ESR1: variants seen among roughly 807,000 people sequenced by gnomAD.
ESR1 encodes estrogen receptor 1.
A neutral mutation model predicts 52.7 loss-of-function variants in ESR1; 12 were observed. The observed-to-expected ratio is 0.23, with a 90% confidence interval of 0.15 to 0.37. The LOEUF (loss-of-function observed/expected upper bound fraction) is 0.37. ESR1 is among the 10% of genes least tolerant of loss of function. ESR1 has a pLI of 1.00. For synonymous variants in ESR1, 305 were observed against 316.8 expected (o/e 0.96, Z 0.39); for missense variants, 584 against 779.7 (o/e 0.75, Z 2.99).
intron 2 of ESR1, among the ~76,000 whole-genome samples, chr6:151,710,086 A>G (rs995475384): frequency 5.3e-5 from 8 of 152,164 alleles, no homozygotes; most frequent in African/African-American, 1.7e-4. Context: ...CTTTTCTCCA[A>G]TAAATTAAAT....
chr6:151,661,470 C>T (rs1263137380), intron 1 of ESR1, among the ~76,000 whole-genome samples: 1 of 152,236 alleles, frequency 6.6e-6, no homozygotes, highest in East Asian at 1.9e-4. Context: ...GCACAGGTTC[C>T]ACAAGCCCTC....
exon 7 of ESR1, chr6:152,128,631 C>CA (rs1282502926): frequency 6.6e-6 from 1 of 152,224 alleles, no homozygotes; most frequent in Non-Finnish European, 1.5e-5. Flanking sequence ...TCTTCCAACT[C>CA]AGTCTCTTTC....
chr6:151,731,359 AG>A (rs1782225053), intron 2 of ESR1, among the ~76,000 whole-genome samples: 1 of 151,236 alleles, frequency 6.6e-6, no homozygotes, highest in Non-Finnish European at 1.5e-5. Context: ...CCATCTCTCA[AG>A]AAAAAAAAAA....
chr6:151,657,319 C>T lies in ESR1; in HGVS notation n.73+556C>T, dbSNP rs189362789. On this transcript the variant is annotated intron_variant and non_coding_transcript_variant, in intron 1 of 2. Coordinates refer to the ESR1 transcript ENST00000473497. Reference sequence around the variant, plus strand: ...TTAAACTAGATAACTTTTATGGGTACTAACCATTAAAATTAAAATTTTAGT... The same window carrying T: ...TTAAACTAGATAACTTTTATGGGTATTAACCATTAAAATTAAAATTTTAGT... Among the ~76,000 whole-genome samples, 218 of 152,196 alleles carry T rather than the reference C, an allele frequency of 1.4e-3. 1 individual carries two copies. The highest frequency in any genetic ancestry group is 5.0e-3 in the African/African-American group (208 of 41,540).
At chr6:152,052,251 G>A (rs1362551380) in intron 5 of ESR1, among the ~76,000 whole-genome samples, 1 of 152,066 alleles carries the variant, frequency 6.6e-6, no homozygotes, top group African/African-American at 2.4e-5. Flanking sequence ...AGTTGTGAGG[G>A]ATCCACCCCG....
rs147106044 is a variant in ESR1 at position 151,662,402 on chromosome 6, G to A, written n.73+5639G>A. ...TTTCCTCTTTATACCAACCAATGGG[G>A]CAGGTACCATTATTAAAGGGGGAGG... On this transcript the variant is annotated intron_variant and non_coding_transcript_variant, in intron 1 of 2. Coordinates refer to the ESR1 transcript ENST00000473497. 1.5e-3 allele frequency among the ~76,000 whole-genome samples: 231 copies of A among 152,210 alleles called. 1 individual carries two copies. The highest frequency in any genetic ancestry group is 5.2e-3 in the African/African-American group (218 of 41,532).
chr6:151,777,601 T>G (rs1458411960), intron 2 of ESR1, among the ~76,000 whole-genome samples: 1 of 152,026 alleles, frequency 6.6e-6, no homozygotes, highest in Non-Finnish European at 1.5e-5. Flanking sequence ...GGACTGGAAA[T>G]CACAATAGAG....
At chr6:151,698,165 A>C (rs1320789696) in intron 1 of ESR1, among the ~76,000 whole-genome samples, 1 of 151,824 alleles carries the variant, frequency 6.6e-6, no homozygotes, top group Non-Finnish European at 1.5e-5. Flanking sequence ...CAGGAGTTTG[A>C]GAGCAGTCTG....
chr6:152,002,159 C>T (rs1221864485), intron 4 of ESR1, among the ~76,000 whole-genome samples: 1 of 150,044 alleles, frequency 6.7e-6, no homozygotes, highest in East Asian at 2.0e-4. Flanking sequence ...TTGGCAACAA[C>T]AGGTGTTCCT....
intron 1 of ESR1, 73 bp downstream of exon 1, chr6:151,808,437 G>A: frequency 1.7e-6 from 2 of 1,188,120 alleles, no homozygotes; most frequent in East Asian, 3.5e-5. Context: ...GGAGGGAGAA[G>A]GGAGAGCCTA....
Position 151,944,282 on chromosome 6 carries a change from C to T in ESR1, c.870C>T (p.Asn290=), listed in dbSNP as rs1446673857. Residue 290 remains asparagine (N), a synonymous_variant, in exon 4 of 8, where the codon AAC becomes AAT. Coordinates refer to ENST00000206249, the MANE Select transcript of ESR1 (RefSeq NM_000125.4). ...CTGCTGGAGACATGAGAGCTGCCAACCTTTGGCCAAGCCCGCTCATGATCA... is the reference window on the plus strand; with the variant it reads ...CTGCTGGAGACATGAGAGCTGCCAATCTTTGGCCAAGCCCGCTCATGATCA... ...VGSAGDMRAA[N]LWPSPLMIKR... is the part of the protein sequence containing the mutation. The T allele has an allele frequency of 1.9e-6, 3 of 1,614,048 alleles. No individual in the cohort carries two copies. Among genetic ancestry groups the T allele is most frequent in the African/African-American group, 1.3e-5 (1 of 74,900 alleles).
chr6:151,830,584 C>G (rs1010734090), intron 1 of ESR1, among the ~76,000 whole-genome samples: 13 of 152,222 alleles, frequency 8.5e-5, no homozygotes, highest in African/African-American at 2.6e-4. Flanking sequence ...CAGACCTCAC[C>G]ATTCATTAGC....
At chr6:151,686,460 C>A (rs1351769446), upstream of ESR1, among the ~76,000 whole-genome samples, 1 of 152,046 alleles carries the variant, frequency 6.6e-6, no homozygotes, top group African/African-American at 2.4e-5. Context: ...CCGAGGCGGC[C>A]GGATCACGAG....
chr6:151,732,534 T>TGTGTG (rs1782328686), intron 2 of ESR1, among the ~76,000 whole-genome samples: 1 of 148,768 alleles, frequency 6.7e-6, no homozygotes, highest in African/African-American at 2.5e-5. Context: ...GTGTGTGTGT[T>TGTGTG]TGTGTGTGTG....
intron 1 of ESR1, among the ~76,000 whole-genome samples, chr6:151,678,695 T>TC (rs1778343562): frequency 1.3e-5 from 2 of 151,496 alleles, no homozygotes; most frequent in African/African-American, 4.8e-5. Flanking sequence ...TGGTTTTTTT[T>TC]TTTTTTTCTG....
intron 4 of ESR1, among the ~76,000 whole-genome samples, chr6:151,996,776 T>C (rs2041524285): frequency 6.6e-6 from 1 of 152,130 alleles, no homozygotes; most frequent in Admixed American, 6.6e-5. Context: ...TTGAATGTAA[T>C]AGGTCTTCAG....
intron 1 of ESR1, among the ~76,000 whole-genome samples, chr6:151,660,370 G>A (rs1425326537): frequency 2.0e-5 from 3 of 152,220 alleles, no homozygotes; most frequent in Non-Finnish European, 2.9e-5. Context: ...GAGAGGGACA[G>A]TTCTATGTTC....
downstream of ESR1, among the ~76,000 whole-genome samples, chr6:152,107,627 TC>T (rs2051082185): frequency 6.6e-6 from 1 of 152,218 alleles, no homozygotes; most frequent in Non-Finnish European, 1.5e-5. Context: ...CCTCTGCTAT[TC>T]CTGATTGTGG....
In ESR1 at chr6:152,101,813, T is replaced by C. The variant is rs1170933439; in HGVS notation, c.*2847T>C. ...ATTGAAAGTATTTGGAGGAAAATGGTTAATTCTGGGTGTGCACCAGGGTTC... is the reference window on the plus strand; with the variant it reads ...ATTGAAAGTATTTGGAGGAAAATGGCTAATTCTGGGTGTGCACCAGGGTTC... On this transcript the variant is annotated 3_prime_UTR_variant, in exon 8 of 8. Transcript: ENST00000206249. 1.3e-5 allele frequency: 3 copies of C among 226,930 alleles called. No individual in the cohort carries two copies. Among genetic ancestry groups the C allele is most frequent in the African/African-American group, 2.2e-5 (1 of 44,986 alleles). The allele number at this position is 226,930 out of a possible 1,614,324, so 14.1% of individuals were successfully genotyped here.
Sources: gnomAD v4.1 joint callset for allele counts (sites outside exome capture counted in the v4.1 genomes callset) on GRCh38, gnomAD v4.1.1 for gene constraint, MANE v1.5 for transcripts, NCBI Gene and HGNC (gene_info 2026-07-23, HGNC 2026-07-21) for gene names.